The following NCALD variants were observed in gnomAD, a reference collection of about 807,000 sequenced individuals.
NCALD encodes neurocalcin delta.
In NCALD, 10 loss-of-function variants were observed where a neutral mutation model predicts 18.6. The observed-to-expected ratio is 0.54, with a 90% CI of 0.33 to 0.91. The LOEUF is 0.91. Among genes scored for constraint, NCALD ranks in the 40% least tolerant of loss-of-function variants. NCALD has a pLI of 0.03. For synonymous variants in NCALD, 88 were observed against 87.4 expected (o/e 1.01, Z -0.04); for missense variants, 184 against 247.6 (o/e 0.74, Z 1.72).
upstream of NCALD, among the ~76,000 whole-genome samples, chr8:101,795,092 T>C (rs1165770086): frequency 6.6e-6 from 1 of 152,224 alleles, no homozygotes; most frequent in Non-Finnish European, 1.5e-5. Flanking sequence ...CCTAAATTAT[T>C]ATAGTCTTAG....
chr8:102,015,907 G>A (rs1822067234), intron 2 of NCALD, among the ~76,000 whole-genome samples: 1 of 152,200 alleles, frequency 6.6e-6, no homozygotes, highest in Non-Finnish European at 1.5e-5. Context: ...TCTCAAGCTT[G>A]TTCCCAGGGT....
chr8:101,746,140 GA>G (rs1187998937), intron 1 of NCALD: 4 of 152,196 alleles, frequency 2.6e-5, no homozygotes, highest in African/African-American at 9.7e-5. Context: ...GGCTTGGGGA[GA>G]GAAAGTCATT....
intron 2 of NCALD, among the ~76,000 whole-genome samples, chr8:101,925,195 T>G (rs1427608891): frequency 1.6e-4 from 24 of 152,324 alleles, no homozygotes; most frequent in Non-Finnish European, 8.8e-5. Context: ...TAATTCTCCC[T>G]TCTGTCCATG....
intron 1 of NCALD, among the ~76,000 whole-genome samples, chr8:102,060,067 G>A (rs575321269): frequency 5.7e-4 from 87 of 152,202 alleles, no homozygotes; most frequent in African/African-American, 1.6e-3. Flanking sequence ...TGCAAGCTTC[G>A]CCTCCCAGGT....
At chr8:102,113,125 G>A (rs1825688939) in intron 1 of NCALD, among the ~76,000 whole-genome samples, 1 of 152,164 alleles carries the variant, frequency 6.6e-6, no homozygotes, top group Non-Finnish European at 1.5e-5. Context: ...GAGAGAAAAG[G>A]AAAGGTATAG....
chr8:101,697,737 A>G (rs181314114), intron 2 of NCALD, among the ~76,000 whole-genome samples: 2 of 152,344 alleles, frequency 1.3e-5, no homozygotes, highest in East Asian at 3.9e-4. Context: ...GGCCTTTGAT[A>G]AAGGCCTTCA....
intron 1 of NCALD, among the ~76,000 whole-genome samples, chr8:102,040,471 C>CAAAAAA (rs60568830): frequency 2.2e-5 from 3 of 135,686 alleles, no homozygotes; most frequent in African/African-American, 9.1e-5. Context: ...GAGAATCCAT[C>CAAAAAA]AAAAAAAAAA....
At chr8:102,075,239 C>T (rs1824304808) in intron 1 of NCALD, among the ~76,000 whole-genome samples, 2 of 152,098 alleles carry the variant, frequency 1.3e-5, no homozygotes, top group Admixed American at 6.6e-5. Context: ...AAGTCTAAAC[C>T]TCATAGATGT....
intron 1 of NCALD, among the ~76,000 whole-genome samples, chr8:102,122,584 A>G (rs867509183): frequency 6.6e-6 from 1 of 152,312 alleles, no homozygotes; most frequent in African/African-American, 2.4e-5. Flanking sequence ...AAGAGCTCAC[A>G]TTTATGCAGC....
chr8:101,813,775 G>T (rs896415495), intron 4 of NCALD, among the ~76,000 whole-genome samples: 5 of 151,950 alleles, frequency 3.3e-5, no homozygotes, highest in African/African-American at 1.2e-4. Flanking sequence ...TTTATTATAG[G>T]ATTTGGTCCA....
chr8:101,823,019 A>G (rs1813783974), intron 4 of NCALD, among the ~76,000 whole-genome samples: 2 of 152,166 alleles, frequency 1.3e-5, no homozygotes, highest in African/African-American at 4.8e-5. Flanking sequence ...ATCATATTCG[A>G]CCCAAGCAAA....
chr8:101,956,383 C>T (rs1819623954), intron 2 of NCALD, among the ~76,000 whole-genome samples: 1 of 152,112 alleles, frequency 6.6e-6, no homozygotes, highest in Non-Finnish European at 1.5e-5. Context: ...CCAAACATAG[C>T]CGGCAGAAAG....
chr8:101,911,861 A>G (rs1817813744), intron 3 of NCALD, among the ~76,000 whole-genome samples: 1 of 152,190 alleles, frequency 6.6e-6, no homozygotes, highest in South Asian at 2.1e-4. Flanking sequence ...CAATGATGAC[A>G]TGATCCAAAC....
chr8:101,766,722 G>A (rs373671510), intron 1 of NCALD, among the ~76,000 whole-genome samples: 32 of 152,026 alleles, frequency 2.1e-4, no homozygotes, highest in East Asian at 9.6e-4. Flanking sequence ...GATTACAGGC[G>A]CATGCCACCA....
intron 1 of NCALD, among the ~76,000 whole-genome samples, chr8:102,035,323 T>C (rs1024806643): frequency 1.3e-5 from 2 of 152,188 alleles, no homozygotes; most frequent in African/African-American, 4.8e-5. Context: ...CCCATTGATA[T>C]TGGTCTATTT....
intron 1 of NCALD, among the ~76,000 whole-genome samples, chr8:102,050,717 T>C (rs1460665324): frequency 1.4e-5 from 2 of 147,342 alleles, no homozygotes; most frequent in East Asian, 3.9e-4. Flanking sequence ...CTATATATTT[T>C]TGTATATATT....
intron 3 of NCALD, among the ~76,000 whole-genome samples, chr8:101,888,804 TG>T (rs1816768338): frequency 6.6e-6 from 1 of 152,190 alleles, no homozygotes; most frequent in Admixed American, 6.5e-5. Context: ...TTACAGTGTA[TG>T]AAGCACTCTT....
At chr8:101,919,041 T>C (rs1403967128) in intron 2 of NCALD, among the ~76,000 whole-genome samples, 1 of 152,110 alleles carries the variant, frequency 6.6e-6, no homozygotes, top group East Asian at 1.9e-4. Flanking sequence ...CTAAAATTTA[T>C]ATAGAACCAA....
At chr8:101,905,276 CCTCTCT>C (rs58447809) in intron 3 of NCALD, among the ~76,000 whole-genome samples, 393 of 145,538 alleles carry the variant, frequency 2.7e-3, no homozygotes, top group Non-Finnish European at 4.3e-3. Flanking sequence ...TCTCTCCTCT[CCTCTCT>C]CTCTCTCTCT....
Sources: allele counts gnomAD v4.1 joint callset (sites outside exome capture counted in the v4.1 genomes callset), GRCh38; gene constraint gnomAD v4.1.1; transcripts MANE v1.5; gene names NCBI Gene and HGNC (gene_info 2026-07-23, HGNC 2026-07-21).